Variants in NKAIN2 observed in about 807,000 individuals in gnomAD.
NKAIN2 encodes sodium/potassium-transporting ATPase subunit beta-1-interacting protein 2.
In NKAIN2, 14 loss-of-function variants were observed where a neutral mutation model predicts 32.6. That is an observed-to-expected ratio of 0.43 (90% CI 0.28 to 0.67). The LOEUF (loss-of-function observed/expected upper bound fraction) is 0.67, where lower values mean the gene tolerates loss of function less well. Ranked by LOEUF, NKAIN2 falls within the 30% of genes least tolerant of loss-of-function variation. The pLI is 0.17. For missense variants in NKAIN2, 198 were observed against 258.3 expected (o/e 0.77, Z 1.60); for synonymous variants, 80 against 87.2 (o/e 0.92, Z 0.46).
chr6:124,707,036 T>G (rs1410619305), intron 4 of NKAIN2, among the ~76,000 whole-genome samples: 2 of 125,602 alleles, frequency 1.6e-5, no homozygotes, highest in African/African-American at 3.1e-5. Context: ...CTCCCCTTCC[T>G]GTGTCCATGT....
intron 1 of NKAIN2, among the ~76,000 whole-genome samples, chr6:123,849,886 T>G (rs753938750): frequency 1.3e-5 from 2 of 151,928 alleles, no homozygotes; most frequent in Non-Finnish European, 2.9e-5. Flanking sequence ...GTGTTTATTA[T>G]TATTTACAAT....
At chr6:124,380,854 C>T (rs2114371734) in intron 3 of NKAIN2, among the ~76,000 whole-genome samples, 1 of 152,262 alleles carries the variant, frequency 6.6e-6, no homozygotes, top group East Asian at 1.9e-4. Context: ...GTTCAAGATA[C>T]ACCAATGGAT....
chr6:124,060,650 G>A (rs1782880269), intron 1 of NKAIN2, among the ~76,000 whole-genome samples: 1 of 152,126 alleles, frequency 6.6e-6, no homozygotes, highest in African/African-American at 2.4e-5. Context: ...GCCTTGAATA[G>A]TAGAGAATAT....
rs189874728 is a variant in NKAIN2 at position 124,451,532 on chromosome 6, A to G, written c.273+96185A>G. 3.5e-4 allele frequency among the ~76,000 whole-genome samples: 53 copies of G among 152,258 alleles called. No homozygotes were observed. The East Asian group carries it at 8.9e-3, about 26-fold the overall frequency. Reference sequence around the variant, plus strand: ...CTTGGTTTCCCATTTTCAGATAGTTATTCGCAAGCTAGGGTGCTCATAAAA... The same window carrying G: ...CTTGGTTTCCCATTTTCAGATAGTTGTTCGCAAGCTAGGGTGCTCATAAAA... On this transcript the variant is annotated intron_variant, in intron 3 of 6. Coordinates refer to ENST00000368417, the MANE Select transcript of NKAIN2 (RefSeq NM_001040214.3).
chr6:124,080,968 A>G (rs1021811907), intron 1 of NKAIN2, among the ~76,000 whole-genome samples: 1 of 152,162 alleles, frequency 6.6e-6, no homozygotes, highest in Non-Finnish European at 1.5e-5. Flanking sequence ...ATCCCACCAT[A>G]GTAATAAAAA....
At chr6:123,807,955 A>C (rs1267702470) in intron 1 of NKAIN2, among the ~76,000 whole-genome samples, 2 of 152,180 alleles carry the variant, frequency 1.3e-5, no homozygotes, top group Non-Finnish European at 2.9e-5. Flanking sequence ...AAGAATGATC[A>C]GTTACTTTCT....
At chr6:123,854,812 A>C (rs1025243077) in intron 1 of NKAIN2, among the ~76,000 whole-genome samples, 8 of 152,194 alleles carry the variant, frequency 5.3e-5, no homozygotes, top group Admixed American at 1.3e-4. Flanking sequence ...GAAGGTCATT[A>C]ACTTTATTAG....
intron 4 of NKAIN2, among the ~76,000 whole-genome samples, chr6:124,706,449 T>C (rs1775069361): frequency 6.6e-6 from 1 of 152,056 alleles, no homozygotes; most frequent in Non-Finnish European, 1.5e-5. Context: ...CTGGCTGAAA[T>C]ATGATTCTAT....
At chr6:124,332,254 G>C (rs1306835263) in intron 2 of NKAIN2, among the ~76,000 whole-genome samples, 25 of 151,002 alleles carry the variant, frequency 1.7e-4, no homozygotes, top group African/African-American at 5.4e-4. Flanking sequence ...CACAGAGAGA[G>C]AGAGAGAGAA....
intron 1 of NKAIN2, among the ~76,000 whole-genome samples, chr6:124,210,116 G>A (rs61193834): frequency 0.023 from 3,546 of 151,328 alleles, 128 homozygotes; most frequent in African/African-American, 0.082. Context: ...ATTTTGATTC[G>A]ATTTTTATAT....
chr6:124,162,693 C>T (rs1302322066), intron 1 of NKAIN2, among the ~76,000 whole-genome samples: 2 of 152,000 alleles, frequency 1.3e-5, no homozygotes, highest in East Asian at 3.9e-4. Context: ...GAGAAGGAGT[C>T]CTAGTGAAAG....
At chr6:124,678,710 G>C (rs1431566867) in intron 4 of NKAIN2, among the ~76,000 whole-genome samples, 7 of 152,150 alleles carry the variant, frequency 4.6e-5, no homozygotes, top group African/African-American at 1.7e-4. Flanking sequence ...TTCATTTGTG[G>C]AAATTTTCTT....
intron 4 of NKAIN2, among the ~76,000 whole-genome samples, chr6:124,738,249 A>T (rs1430450997): frequency 6.6e-6 from 1 of 151,946 alleles, no homozygotes; most frequent in Non-Finnish European, 1.5e-5. Context: ...CAATTTTAAA[A>T]GTTTTGTTAC....
At chr6:124,189,282 C>T (rs1299857437) in intron 1 of NKAIN2, among the ~76,000 whole-genome samples, 1 of 152,060 alleles carries the variant, frequency 6.6e-6, no homozygotes, top group Non-Finnish European at 1.5e-5. Context: ...TCTTAACCAG[C>T]ACAATTTAAA....
At position 124,615,609 on chromosome 6, in the gene NKAIN2, G is replaced by C. The variant is rs958626245; in HGVS notation, c.274-42577G>C. On this transcript the variant is annotated intron_variant, in intron 3 of 6. Coordinates refer to ENST00000368417, the MANE Select transcript of NKAIN2 (RefSeq NM_001040214.3). ...AGCAGTTCTTATAAACATGCTTAAT[G>C]ATGGGAATGAAAATATGCTCAGAAT... 2.0e-5 allele frequency among the ~76,000 whole-genome samples: 3 copies of C among 152,142 alleles called. No individual in the cohort carries two copies. The East Asian group carries it at 5.8e-4, about 29-fold the overall frequency.
chr6:124,574,396 TC>T (rs1225520921), intron 3 of NKAIN2, among the ~76,000 whole-genome samples: 1 of 151,648 alleles, frequency 6.6e-6, no homozygotes, highest in African/African-American at 2.4e-5. Context: ...GGCAGGCTGA[TC>T]ACCTGAGGTC....
intron 5 of NKAIN2, among the ~76,000 whole-genome samples, chr6:124,812,605 C>A (rs1780954403): frequency 6.6e-6 from 1 of 152,090 alleles, no homozygotes; most frequent in Non-Finnish European, 1.5e-5. Context: ...CCCAGCAAGT[C>A]CCCAATTTCC....
chr6:124,269,374 C>T (rs931848607), intron 1 of NKAIN2, among the ~76,000 whole-genome samples: 1 of 152,012 alleles, frequency 6.6e-6, no homozygotes, highest in Non-Finnish European at 1.5e-5. Flanking sequence ...AATTCTAAAA[C>T]GTCCCTGCAG....
chr6:124,519,574 A>C (rs1779045963), intron 3 of NKAIN2, among the ~76,000 whole-genome samples: 3 of 152,224 alleles, frequency 2.0e-5, no homozygotes, highest in Non-Finnish European at 2.9e-5. Flanking sequence ...TAAGCAACTC[A>C]AAATTTCCAA....
Sources: gnomAD v4.1 joint callset for allele counts (sites outside exome capture counted in the v4.1 genomes callset) on GRCh38, gnomAD v4.1.1 for gene constraint, MANE v1.5 for transcripts, NCBI Gene and HGNC (gene_info 2026-07-23, HGNC 2026-07-21) for gene names.